The following LRP4 variants were observed in gnomAD, a reference collection of about 807,000 sequenced individuals.
LRP4 encodes the protein low-density lipoprotein receptor-related protein 4.
LRP4 carries 95 observed loss-of-function variants against 220.3 expected under a neutral mutation model. The ratio of observed to expected loss-of-function variants is 0.43; its 90% CI spans 0.37 to 0.51. LRP4 has a LOEUF of 0.51. Ranked by LOEUF, LRP4 falls within the 20% of genes least tolerant of loss-of-function variation. LRP4 has a pLI of 0.00. For missense variants in LRP4, 1,925 were observed against 2,567.0 expected, an observed-to-expected ratio of 0.75 and a Z score of 5.40; for synonymous variants, 903 against 954.6, an observed-to-expected ratio of 0.95 and a Z score of 1.00.
In LRP4 at chr11:46,900,301, C is replaced by T. The variant is rs1418475157; in HGVS notation, c.277G>A (p.Asp93Asn). The T allele has an allele frequency of 1.2e-6, 2 of 1,614,154 alleles. No homozygotes were observed. The highest frequency in any genetic ancestry group is 1.7e-6 in the Non-Finnish European group (2 of 1,180,004). ...TCCGAGTCATCCTCACAGTCGTTGTCCCCGTCACACACCCAGGAGCGGCGG... is the reference window on the plus strand; with the variant it reads ...TCCGAGTCATCCTCACAGTCGTTGTTCCCGTCACACACCCAGGAGCGGCGG... Reference protein sequence around the residue: ...CIRRSWVCDGDNDCEDDSDEQ... With the variant: ...CIRRSWVCDGNNDCEDDSDEQ... Residue 93 changes from aspartate to asparagine, a missense_variant, in exon 3 of 38, where the codon GAC becomes AAC. Physicochemically the swap from Asp to Asn is conservative, Grantham distance 23 (BLOSUM62 1). Coordinates refer to ENST00000378623, the MANE Select transcript of LRP4 (RefSeq NM_002334.4).
intron 1 of LRP4, among the ~76,000 whole-genome samples, chr11:46,906,460 A>G (rs1312520661): frequency 6.6e-6 from 1 of 152,134 alleles, no homozygotes; most frequent in African/African-American, 2.4e-5. Flanking sequence ...TGTCTCGAAA[A>G]AAAAAAAAAG....
At chr11:46,862,432 G>A (rs1407055503) in intron 37 of LRP4, among the ~76,000 whole-genome samples, 174 bp downstream of exon 37, 4 of 152,138 alleles carry the variant, frequency 2.6e-5, no homozygotes, top group Non-Finnish European at 5.9e-5. Flanking sequence ...ATCCCTCAGA[G>A]ATTCTAGAAC....
Position 46,899,012 on chromosome 11 carries a change from G to A in LRP4, c.568C>T (p.Pro190Ser), listed in dbSNP as rs1941605760. 10 of 1,613,162 alleles carry A rather than the reference G, an allele frequency of 6.2e-6. 1 individual carries two copies. Among genetic ancestry groups the A allele is most frequent in the Admixed American group, 3.3e-5 (2 of 59,968 alleles). The change falls in exon 6 of 38, where the codon CCC (proline) becomes TCC (serine). Residue 190 changes from proline (P) to serine (S), a missense_variant. Coordinates refer to ENST00000378623, the MANE Select transcript of LRP4 (RefSeq NM_002334.4). This position sits in a 1 kb window ranked among gnomAD's most constrained non-coding sequence, Gnocchi z 5.9. ...CACTGGAACTCCTCCAGGTTGCAGGGGGGCGCTGGCACTGCTGAGGCTGGA... is the reference window on the plus strand; with the variant it reads ...CACTGGAACTCCTCCAGGTTGCAGGAGGGCGCTGGCACTGCTGAGGCTGGA... ...ENCPSAVPAPPCNLEEFQCAY... is the reference protein window; with the variant it reads ...ENCPSAVPAPSCNLEEFQCAY...
At chr11:46,868,489 C>G in intron 33 of LRP4, 111 bp downstream of exon 33, 1 of 856,972 alleles carries the variant, frequency 1.2e-6, no homozygotes, top group Non-Finnish European at 2.0e-6. Flanking sequence ...ATAAGACCTT[C>G]TTTATGGGGA....
At chr11:46,868,536 G>C (rs974615716) in intron 33 of LRP4, 64 bp downstream of exon 33, 18 of 1,135,406 alleles carry the variant, frequency 1.6e-5, no homozygotes, top group Non-Finnish European at 2.3e-5. Flanking sequence ...AGTATCAGAG[G>C]CTGCTGACTC....
chr11:46,871,416 T>A, intron 31 of LRP4, 109 bp downstream of exon 31: 1 of 829,180 alleles, frequency 1.2e-6, no homozygotes, highest in Non-Finnish European at 2.1e-6. Flanking sequence ...TAAAATGAGC[T>A]GCAATAGCAC....
rs61745166 is a variant in LRP4 at position 46,900,278 on chromosome 11, C to T, written c.300G>A (p.Ser100=). The T allele has an allele frequency of 1.0e-3, 1,640 of 1,613,816 alleles. 16 individuals are homozygous for T. In the African/African-American group the frequency reaches 0.017, roughly 17 times the overall value. Residue 100 remains serine, a synonymous_variant, in exon 3 of 38, where the codon TCG becomes TCA. Transcript: ENST00000378623. ...CDGDNDCEDD[S]DEQDCPPREC... Reference sequence around the variant, plus strand: ...AACACTCACGACAGTCCTGCTCATCCGAGTCATCCTCACAGTCGTTGTCCC... The same window carrying T: ...AACACTCACGACAGTCCTGCTCATCTGAGTCATCCTCACAGTCGTTGTCCC...
intron 13 of LRP4, 57 bp downstream of exon 13, chr11:46,892,916 C>G: frequency 6.3e-7 from 1 of 1,592,702 alleles, no homozygotes; most frequent in Non-Finnish European, 8.6e-7. Flanking sequence ...GTCCAGGTAG[C>G]CTGGGAGCTG....
In LRP4 at chr11:46,890,400, A is replaced by T. The variant is rs778007418; in HGVS notation, c.1792T>A (p.Phe598Ile). The T allele has an allele frequency of 6.2e-7, 1 of 1,614,200 alleles. No homozygotes were observed. Among genetic ancestry groups the T allele is most frequent in the Admixed American group, 1.7e-5 (1 of 60,026 alleles). The change falls in exon 14 of 38, where the codon TTC becomes ATC. Residue 598 changes from phenylalanine to isoleucine, a missense_variant. Transcript: ENST00000378623. This position sits in a 1 kb window ranked among gnomAD's most constrained non-coding sequence, Gnocchi z 5.3. ...TCGATGGTGAGGCCATTGGGCCAGA[A>T]GAGATGGGTATCGGCAATGATGCGG... is the stretch of plus-strand genomic sequence containing the variant. Reference protein sequence around the residue: ...GRRIIADTHLFWPNGLTIDYA... With the variant: ...GRRIIADTHLIWPNGLTIDYA...
At chr11:46,889,769 CTTG>C (rs970114441) in intron 15 of LRP4, 172 bp downstream of exon 15, 1 of 850,836 alleles carries the variant, frequency 1.2e-6, no homozygotes, top group Admixed American at 2.1e-5. Flanking sequence ...TTTCGTGAAT[CTTG>C]TTGTACTGCC....
intron 33 of LRP4, 36 bp from the exon 34 acceptor site, chr11:46,868,150 A>G: frequency 6.2e-7 from 1 of 1,613,456 alleles, no homozygotes; most frequent in Non-Finnish European, 8.5e-7. Context: ...GGCCACTGGA[A>G]CCATAAACAT....
At chr11:46,884,731 C>T (rs1318255719) in intron 18 of LRP4, among the ~76,000 whole-genome samples, 4 of 108,274 alleles carry the variant, frequency 3.7e-5, no homozygotes, top group African/African-American at 1.4e-4. Flanking sequence ...AGTGAGACTC[C>T]GTCTCAAAAA....
chr11:46,899,977 C>G lies in LRP4; in HGVS notation c.317-1G>C, dbSNP rs1349122251. ...TCGTCCTCCTCACACTCCCGGGGGGCTGTGGGCACAGAGCAGTCAGGCTGC... is the reference window on the plus strand; with the variant it reads ...TCGTCCTCCTCACACTCCCGGGGGGGTGTGGGCACAGAGCAGTCAGGCTGC... On this transcript the variant is annotated splice_acceptor_variant, in intron 3 of 37. Coordinates refer to ENST00000378623, the MANE Select transcript of LRP4 (RefSeq NM_002334.4). LOFTEE classifies it high-confidence loss of function. This position sits in a 1 kb window ranked among gnomAD's most constrained non-coding sequence, Gnocchi z 5.9. The G allele has an allele frequency of 1.2e-6, 2 of 1,609,656 alleles. No homozygotes were observed. Among genetic ancestry groups the G allele is most frequent in the African/African-American group, 2.7e-5 (2 of 74,868 alleles).
rs564757925 is a variant in LRP4, at chr11:46,890,802, C to G, written c.1698-308G>C. Among the ~76,000 whole-genome samples, 4 of 152,188 alleles carry G rather than the reference C, an allele frequency of 2.6e-5. No homozygotes were observed. Among genetic ancestry groups the G allele is most frequent in the African/African-American group, 7.2e-5 (3 of 41,544 alleles). On this transcript the variant is annotated intron_variant, in intron 13 of 37. Transcript: ENST00000378623. This position sits in a 1 kb window ranked among gnomAD's most constrained non-coding sequence, Gnocchi z 5.3. ...AGAGATGAGGTCTTGCTATGTTACC[C>G]AAGCTGGTCTCAAACTCCTGAGCTC...
intron 16 of LRP4, among the ~76,000 whole-genome samples, chr11:46,889,063 G>A (rs1256860610): frequency 6.6e-5 from 10 of 152,314 alleles, no homozygotes; most frequent in East Asian, 3.9e-4. Flanking sequence ...ACAGGGTGAC[G>A]CTAAAGGTAA....
At position 46,899,300 on chromosome 11, in the gene LRP4, C is replaced by T; in HGVS notation, c.547+87G>A. Reference sequence around the variant, plus strand: ...GCACCCATGCTCCTTGCCCTTGGTACATGCACTCCTCAGCCTCGCCCTTAG... The same window carrying T: ...GCACCCATGCTCCTTGCCCTTGGTATATGCACTCCTCAGCCTCGCCCTTAG... On this transcript the variant is annotated intron_variant, in intron 5 of 37. Transcript: ENST00000378623. This position sits in a 1 kb window ranked among gnomAD's most constrained non-coding sequence, Gnocchi z 5.9. The T allele has an allele frequency of 8.9e-7, 1 of 1,118,692 alleles. No individual in the cohort carries two copies. 69.3% of individuals were successfully genotyped at this position (1,118,692 alleles called of 1,614,324 possible). A position where few individuals can be genotyped will look rare whatever the true frequency, so the allele number is the denominator to read the frequency against.
chr11:46,900,105 C>T lies in LRP4; in HGVS notation c.317-129G>A, dbSNP rs979593497. ...TGAGGGCTCCGAAGGAGGTGGCTGC[C>T]TCTCAGCAGCTTATCTGACTTCGAG... On this transcript the variant is annotated intron_variant, in intron 3 of 37. Coordinates refer to ENST00000378623, the MANE Select transcript of LRP4 (RefSeq NM_002334.4). 5.4e-5 allele frequency: 52 copies of T among 956,774 alleles called. No homozygotes were observed. The East Asian group carries it at 6.5e-4, about 12-fold the overall frequency. The allele number at this position is 956,774 out of a possible 1,614,324, so 59.3% of individuals were successfully genotyped here.
chr11:46,881,843 G>C lies in LRP4; in HGVS notation c.2673C>G (p.Ala891=). 4 of 1,614,192 alleles carry C rather than the reference G, an allele frequency of 2.5e-6. No individual in the cohort carries two copies. Among genetic ancestry groups the C allele is most frequent in the Non-Finnish European group, 3.4e-6 (4 of 1,180,034 alleles). The stretch of plus-strand genomic sequence containing the variant: ...AAGAGATAATGACTTGGCGGCCTGA[G>C]GCATCCATGCCAGCTCGTTCAATCT... ...SPKIERAGMD[A]SGRQVIISSN... The change falls in exon 20 of 38, where the codon GCC becomes GCG. Residue 891 remains alanine, a synonymous_variant. Transcript: ENST00000378623.
chr11:46,883,893 T>C lies in LRP4; in HGVS notation c.2590A>G (p.Ile864Val). 1 of 1,614,214 alleles carries C rather than the reference T, an allele frequency of 6.2e-7. No individual in the cohort carries two copies. The highest frequency in any genetic ancestry group is 1.3e-5 in the African/African-American group (1 of 75,076). ...CACCCGCCCATGGGTTCCACCACGA[T>C]GTCCCGAGGACGATCAAGGTTCTCC... ...IWENLDRPRD[I>V]VVEPMGGYMY... is the part of the protein sequence containing the mutation. Residue 864 changes from isoleucine to valine, a missense_variant, in exon 19 of 38, where the codon ATC (isoleucine) becomes GTC (valine). Coordinates refer to ENST00000378623, the MANE Select transcript of LRP4 (RefSeq NM_002334.4).
Sources: gnomAD v4.1 joint callset for allele counts (sites outside exome capture counted in the v4.1 genomes callset) on GRCh38, gnomAD v4.1.1 for gene constraint, Gnocchi (gnomAD v3.1) non-coding constraint, MANE v1.5 for transcripts, NCBI Gene and HGNC (gene_info 2026-07-23, HGNC 2026-07-21) for gene names.